The following ROCK2 variants were observed in gnomAD, a reference collection of about 807,000 sequenced individuals.
The protein encoded by ROCK2 is Rho associated coiled-coil containing protein kinase 2.
In ROCK2, 61 loss-of-function variants were observed where a neutral mutation model predicts 195.1. The ratio of observed to expected loss-of-function variants is 0.31; its 90% CI spans 0.25 to 0.39. The LOEUF is 0.39. Among genes scored for constraint, ROCK2 ranks in the 10% least tolerant of loss-of-function variants. The probability of loss-of-function intolerance (pLI) is 1.00; values close to 1 mark genes in which losing one functional copy is unlikely to be tolerated. For missense variants in ROCK2, 1,109 were observed against 1,637.4 expected (o/e 0.68, Z 5.57); for synonymous variants, 504 against 545.5 (o/e 0.92, Z 1.06).
intron 4 of ROCK2, among the ~76,000 whole-genome samples, chr2:11,236,273 G>A (rs1451016142): frequency 2.0e-5 from 3 of 151,940 alleles, no homozygotes; most frequent in Non-Finnish European, 4.4e-5. Context: ...GAACATTAAA[G>A]GTGAAAGAAT....
chr2:11,342,614 GA>G (rs1162106191), intron 1 of ROCK2, among the ~76,000 whole-genome samples: 1 of 152,136 alleles, frequency 6.6e-6, no homozygotes, highest in Non-Finnish European at 1.5e-5. Context: ...ATACCAAAGT[GA>G]AAATGCTGGG....
rs192317258 is a variant in ROCK2 at position 11,286,281 on chromosome 2, T to G, written c.324+258A>C. Among the ~76,000 whole-genome samples, 6 of 136,842 alleles carry G rather than the reference T, an allele frequency of 4.4e-5. 2 individuals are homozygous for G. The East Asian group carries it at 1.2e-3, about 28-fold the overall frequency. The allele number at this position is 136,842 out of a possible 152,430, so 89.8% of individuals were successfully genotyped here. On this transcript the variant is annotated intron_variant, in intron 3 of 32. Coordinates refer to ENST00000315872, the MANE Select transcript of ROCK2 (RefSeq NM_004850.5). The stretch of plus-strand genomic sequence containing the variant: ...AACATTCTAAATAAAAATACAACAG[T>G]TCTGGTGGAATAGTAACTGCTAGGC...
intron 5 of ROCK2, among the ~76,000 whole-genome samples, chr2:11,228,837 AAGG>A (rs1335595675): frequency 1.3e-5 from 2 of 152,078 alleles, no homozygotes; most frequent in South Asian, 2.1e-4. Context: ...GGTTCAGAGG[AAGG>A]AGAAGAAAGG....
rs978675067 is a variant in ROCK2 at position 11,216,809 on chromosome 2, C to T, written c.1412+281G>A. On this transcript the variant is annotated intron_variant, in intron 12 of 32. Transcript: ENST00000315872. ...GCATGATCTCAGCTCACTGCAACCT[C>T]TGCCTCCCAGGTTCAAGCAATTCTC... Among the ~76,000 whole-genome samples, 4 of 152,320 alleles carry T rather than the reference C, an allele frequency of 2.6e-5. No homozygotes were observed. In the East Asian group the frequency reaches 7.7e-4, roughly 29 times the overall value.
chr2:11,298,797 G>A (rs1667616180), intron 1 of ROCK2, among the ~76,000 whole-genome samples: 1 of 152,152 alleles, frequency 6.6e-6, no homozygotes. Context: ...AAACAAGTCA[G>A]CAATTTTGAG....
chr2:11,268,537 TG>T (rs1187546387), intron 3 of ROCK2, among the ~76,000 whole-genome samples: 1 of 151,496 alleles, frequency 6.6e-6, no homozygotes, highest in Admixed American at 6.6e-5. Context: ...TGTGTGTGTG[TG>T]TGTGTGTGTG....
intron 3 of ROCK2, among the ~76,000 whole-genome samples, chr2:11,284,490 GGGCAAGGGGTAT>G (rs1323664942): frequency 6.6e-6 from 1 of 152,008 alleles, no homozygotes; most frequent in Non-Finnish European, 1.5e-5. Context: ...GCACACGTTG[GGGCAAGGGGTAT>G]ATGGGACATC....
At chr2:11,296,772 T>C (rs572947422) in intron 1 of ROCK2, among the ~76,000 whole-genome samples, 1 of 152,322 alleles carries the variant, frequency 6.6e-6, no homozygotes, top group Non-Finnish European at 1.5e-5. Context: ...AAATCTCATT[T>C]TTGACATCTA....
intron 4 of ROCK2, among the ~76,000 whole-genome samples, chr2:11,249,374 G>T (rs1665746685): frequency 6.6e-6 from 1 of 152,006 alleles, no homozygotes; most frequent in Non-Finnish European, 1.5e-5. Flanking sequence ...AGAATAAGTG[G>T]GTATGAAACA....
chr2:11,250,924 C>T (rs910183797), intron 3 of ROCK2, among the ~76,000 whole-genome samples: 5 of 152,192 alleles, frequency 3.3e-5, no homozygotes, highest in African/African-American at 1.2e-4. Flanking sequence ...CTAACTACTT[C>T]CCATATCATC....
At chr2:11,214,333 G>T in intron 17 of ROCK2, 24 bp downstream of exon 17, 1 of 1,334,442 alleles carries the variant, frequency 7.5e-7, no homozygotes, top group Non-Finnish European at 1.1e-6. Context: ...ATTTTCTTAT[G>T]CAAAAATATA....
intron 5 of ROCK2, among the ~76,000 whole-genome samples, chr2:11,229,541 AC>A (rs1386286251): frequency 6.6e-6 from 1 of 151,160 alleles, no homozygotes; most frequent in East Asian, 1.9e-4. Flanking sequence ...ATCTCCTAAA[AC>A]CAGAGGAAAC....
At chr2:11,335,959 A>C (rs1222962845) in intron 1 of ROCK2, among the ~76,000 whole-genome samples, 1 of 152,204 alleles carries the variant, frequency 6.6e-6, no homozygotes, top group Non-Finnish European at 1.5e-5. Context: ...TATTCATTAA[A>C]TATTTAAAAA....
intron 3 of ROCK2, among the ~76,000 whole-genome samples, chr2:11,266,708 C>A (rs1348450265): frequency 6.6e-6 from 1 of 152,156 alleles, no homozygotes; most frequent in Non-Finnish European, 1.5e-5. Context: ...GTATACGAAT[C>A]AACTTTAAAA....
At chr2:11,296,009 A>G (rs1347335812) in intron 1 of ROCK2, among the ~76,000 whole-genome samples, 34 of 101,338 alleles carry the variant, frequency 3.4e-4, no homozygotes, top group African/African-American at 1.3e-3. Flanking sequence ...GAGAGAGGAG[A>G]GAGAGAGAGA....
At chr2:11,288,429 TTGTCTCAACGCCAAGTAACTC>T (rs1406395315) in intron 1 of ROCK2, among the ~76,000 whole-genome samples, 6 of 152,186 alleles carry the variant, frequency 3.9e-5, no homozygotes, top group Admixed American at 3.9e-4. Flanking sequence ...ATCACATACA[TTGTCTCAACGCCAAGTAACTC>T]TGTGGAAGGT....
rs1465636346 is a variant in ROCK2, at chr2:11,180,287, G to A, written c.*3150C>T. 1 of 152,180 alleles carries A rather than the reference G, an allele frequency of 6.6e-6. No individual in the cohort carries two copies. Among genetic ancestry groups the A allele is most frequent in the Non-Finnish European group, 1.5e-5 (1 of 68,044 alleles). 9.4% of individuals were successfully genotyped at this position (152,180 alleles called of 1,614,324 possible). On this transcript the variant is annotated 3_prime_UTR_variant, in exon 33 of 33. Transcript: ENST00000315872. ...CAGCATAACTTCTTAAAACTGTGGT[G>A]TGGCAACCTAGAGTATTTCTGTTTA... is the stretch of plus-strand genomic sequence containing the variant.
At chr2:11,207,085 T>C (rs1297270288) in intron 20 of ROCK2, among the ~76,000 whole-genome samples, 1 of 152,284 alleles carries the variant, frequency 6.6e-6, no homozygotes, top group East Asian at 1.9e-4. Context: ...ATTTACTATA[T>C]ATTTTATCTT....
rs919558631 is a variant in ROCK2 at position 11,180,912 on chromosome 2, A to C, written c.*2525T>G. ...ATTTTTTATTAAGCGCATTTTCATT[A>C]GTTGGACAAACAACCTTATAAACCC... On this transcript the variant is annotated 3_prime_UTR_variant, in exon 33 of 33. Transcript: ENST00000315872. 2.0e-5 allele frequency: 3 copies of C among 152,168 alleles called. No homozygotes were observed. The highest frequency in any genetic ancestry group is 4.4e-5 in the Non-Finnish European group (3 of 68,020). The allele number at this position is 152,168 out of a possible 1,614,324, so 9.4% of individuals were successfully genotyped here.
Sources: allele counts gnomAD v4.1 joint callset (sites outside exome capture counted in the v4.1 genomes callset), GRCh38; gene constraint gnomAD v4.1.1; transcripts MANE v1.5; gene names NCBI Gene and HGNC (gene_info 2026-07-23, HGNC 2026-07-21).